The following DGKI variants were observed in gnomAD, a reference collection of about 807,000 sequenced individuals.
DGKI encodes diacylglycerol kinase iota.
In DGKI, 55 loss-of-function variants were observed where a neutral mutation model predicts 147.5. The ratio of observed to expected loss-of-function variants is 0.37; its 90% CI spans 0.30 to 0.47. The LOEUF (loss-of-function observed/expected upper bound fraction) is 0.47. DGKI is among the 20% of genes least tolerant of loss of function. DGKI has a pLI of 1.00. For missense variants in DGKI, 1,007 were observed against 1,323.8 expected (o/e 0.76, Z 3.71); for synonymous variants, 469 against 477.1 (o/e 0.98, Z 0.22).
At chr7:137,455,307 AGATCAGTTC>A (rs1260703240) in intron 27 of DGKI, among the ~76,000 whole-genome samples, 3 of 152,164 alleles carry the variant, frequency 2.0e-5, no homozygotes, top group African/African-American at 4.8e-5. Flanking sequence ...TCTCAGTTAT[AGATCAGTTC>A]GAGGAGCTCT....
At chr7:137,736,381 T>C (rs1795023006) in intron 1 of DGKI, among the ~76,000 whole-genome samples, 1 of 152,108 alleles carries the variant, frequency 6.6e-6, no homozygotes, top group Non-Finnish European at 1.5e-5. Flanking sequence ...ATTTCAGACA[T>C]GGCTCAACCT....
chr7:137,500,124 G>A (rs1258033879), intron 21 of DGKI, among the ~76,000 whole-genome samples: 4 of 152,126 alleles, frequency 2.6e-5, no homozygotes, highest in African/African-American at 9.7e-5. Context: ...ACTACACTGT[G>A]GAATTTACTG....
intron 7 of DGKI, 79 bp from the exon 8 acceptor site, chr7:137,620,019 G>GCGCACA (rs369086131): frequency 6.0e-6 from 3 of 502,460 alleles, no homozygotes; most frequent in East Asian, 7.5e-5. Flanking sequence ...ATGTACACAC[G>GCGCACA]CACACACACA....
intron 21 of DGKI, among the ~76,000 whole-genome samples, chr7:137,509,375 G>T (rs1212337051): frequency 6.6e-6 from 1 of 152,196 alleles, no homozygotes; most frequent in African/African-American, 2.4e-5. Context: ...GAATAGAGGA[G>T]TGGCAGAAAG....
chr7:137,537,706 T>A (rs1817565754), intron 20 of DGKI, among the ~76,000 whole-genome samples: 1 of 152,282 alleles, frequency 6.6e-6, no homozygotes, highest in South Asian at 2.1e-4. Flanking sequence ...CACTGGCCCA[T>A]GAGTGCGATT....
intron 3 of DGKI, among the ~76,000 whole-genome samples, chr7:137,675,825 G>A (rs1054280622): frequency 1.4e-4 from 22 of 152,070 alleles, no homozygotes; most frequent in African/African-American, 5.3e-4. Flanking sequence ...TATAAAGTTA[G>A]AGTCAGTGGA....
chr7:137,665,366 T>C (rs1240781454), intron 3 of DGKI, among the ~76,000 whole-genome samples: 1 of 152,164 alleles, frequency 6.6e-6, no homozygotes, highest in Non-Finnish European at 1.5e-5. Context: ...TCCTTAAGTA[T>C]TTCAGTAGAA....
intron 20 of DGKI, among the ~76,000 whole-genome samples, chr7:137,539,852 C>A (rs943038266): frequency 7.9e-5 from 12 of 151,806 alleles, no homozygotes; most frequent in Non-Finnish European, 1.5e-4. Flanking sequence ...AGATCTCTAC[C>A]AAGATTGACA....
intron 1 of DGKI, among the ~76,000 whole-genome samples, chr7:137,771,040 C>A (rs1796179854): frequency 6.6e-6 from 1 of 151,964 alleles, no homozygotes; most frequent in African/African-American, 2.4e-5. Flanking sequence ...CTTCTTATTC[C>A]CAATCTGGGT....
At chr7:137,638,339 G>A (rs59811187) in intron 6 of DGKI, among the ~76,000 whole-genome samples, 6,509 of 148,058 alleles carry the variant, frequency 0.044, 458 homozygotes, top group African/African-American at 0.14. Context: ...TATCTTAAAT[G>A]TCATTATTTT....
intron 1 of DGKI, among the ~76,000 whole-genome samples, chr7:137,799,660 C>T (rs1419475967): frequency 6.6e-6 from 1 of 152,210 alleles, no homozygotes; most frequent in Admixed American, 6.5e-5. Context: ...AAGTCAATCA[C>T]ATGCTTTCCT....
intron 1 of DGKI, among the ~76,000 whole-genome samples, chr7:137,827,541 C>T (rs531454051): frequency 2.0e-4 from 31 of 152,306 alleles, no homozygotes; most frequent in Middle Eastern, 3.4e-3. Flanking sequence ...TGAAATCCTA[C>T]CAACTCTTTA....
intron 30 of DGKI, among the ~76,000 whole-genome samples, chr7:137,404,732 C>T (rs1048766117): frequency 6.6e-6 from 1 of 152,178 alleles, no homozygotes; most frequent in African/African-American, 2.4e-5. Context: ...TAATTTATAA[C>T]ATCTAACCAA....
intron 1 of DGKI, among the ~76,000 whole-genome samples, chr7:137,718,937 T>C (rs1794466055): frequency 6.6e-6 from 1 of 152,202 alleles, no homozygotes. Flanking sequence ...GTGTAAAATA[T>C]ACAAGGGGCA....
At chr7:137,558,644 T>C (rs546821158) in intron 19 of DGKI, among the ~76,000 whole-genome samples, 3 of 108,416 alleles carry the variant, frequency 2.8e-5, no homozygotes, top group Middle Eastern at 4.9e-3. Context: ...TTAGTAGTGG[T>C]GGTATTAATT....
At chr7:137,570,517 C>A (rs1016255160) in intron 19 of DGKI, among the ~76,000 whole-genome samples, 1 of 151,896 alleles carries the variant, frequency 6.6e-6, no homozygotes, top group South Asian at 2.1e-4. Context: ...TACCTAAACA[C>A]AAAACTCCTC....
chr7:137,640,666 T>C (rs1471941088), intron 6 of DGKI, among the ~76,000 whole-genome samples: 1 of 152,134 alleles, frequency 6.6e-6, no homozygotes, highest in African/African-American at 2.4e-5. Context: ...CAAGTCAGTA[T>C]TTTCCATTAT....
intron 12 of DGKI, among the ~76,000 whole-genome samples, chr7:137,590,124 G>A (rs1234357566): frequency 1.3e-5 from 2 of 152,202 alleles, no homozygotes; most frequent in Non-Finnish European, 2.9e-5. Flanking sequence ...CTTGGCTCCT[G>A]GTCTTGCAAA....
intron 28 of DGKI, among the ~76,000 whole-genome samples, chr7:137,435,057 G>C (rs6960130): frequency 0.43 from 64,742 of 151,956 alleles, 14,404 homozygotes; most frequent in East Asian, 0.75. Context: ...CAACAGGGAA[G>C]AATATTAATG....
Sources: gnomAD v4.1 joint callset for allele counts (sites outside exome capture counted in the v4.1 genomes callset) on GRCh38, gnomAD v4.1.1 for gene constraint, MANE v1.5 for transcripts, NCBI Gene and HGNC (gene_info 2026-07-23, HGNC 2026-07-21) for gene names.